ZNF804B: variants seen among roughly 807,000 people sequenced by gnomAD.
ZNF804B encodes the protein zinc finger 804B.
In ZNF804B, 80 loss-of-function variants were observed where a neutral mutation model predicts 101.4. The observed-to-expected ratio is 0.79, with a 90% CI of 0.66 to 0.95. ZNF804B has a LOEUF of 0.95. Among genes scored for constraint, ZNF804B ranks in the 40% least tolerant of loss-of-function variants. The pLI, the probability that ZNF804B is intolerant of heterozygous loss-of-function variation, is 0.00. For synonymous variants in ZNF804B, 622 were observed against 558.8 expected (o/e 1.11, Z -1.59); for missense variants, 1,673 against 1,561.9 (o/e 1.07, Z -1.20).
intron 2 of ZNF804B, among the ~76,000 whole-genome samples, chr7:89,241,898 T>C (rs1789378315): frequency 6.6e-6 from 1 of 151,650 alleles, no homozygotes; most frequent in Non-Finnish European, 1.5e-5. Flanking sequence ...TTTTTCTTTT[T>C]TTTTTTTTTC....
At chr7:89,228,387 GC>G (rs1789129904) in intron 2 of ZNF804B, among the ~76,000 whole-genome samples, 1 of 152,114 alleles carries the variant, frequency 6.6e-6, no homozygotes, top group Non-Finnish European at 1.5e-5. Context: ...GATTGGTAGA[GC>G]CGAGTGGTCT....
At chr7:89,091,044 G>A (rs192731255) in intron 1 of ZNF804B, among the ~76,000 whole-genome samples, 62 of 152,116 alleles carry the variant, frequency 4.1e-4, no homozygotes, top group African/African-American at 1.3e-3. Flanking sequence ...ATAATGCTTC[G>A]TCTAAATTTA....
At chr7:89,001,680 T>C (rs1788290971) in intron 1 of ZNF804B, among the ~76,000 whole-genome samples, 1 of 151,966 alleles carries the variant, frequency 6.6e-6, no homozygotes, top group Admixed American at 6.6e-5. Context: ...GACTCACCAT[T>C]ATAAAACTGT....
At chr7:88,857,372 T>G (rs1031749290) in intron 1 of ZNF804B, among the ~76,000 whole-genome samples, 2 of 151,826 alleles carry the variant, frequency 1.3e-5, no homozygotes, top group East Asian at 3.9e-4. Flanking sequence ...CTAGGAAGAC[T>G]AATAAAGAAG....
At chr7:89,208,680 A>T (rs1278736008) in intron 1 of ZNF804B, among the ~76,000 whole-genome samples, 1 of 152,086 alleles carries the variant, frequency 6.6e-6, no homozygotes, top group Non-Finnish European at 1.5e-5. Flanking sequence ...AACGTTGATA[A>T]CTGTGGTCCT....
At chr7:88,971,967 C>A (rs11981551) in intron 1 of ZNF804B, among the ~76,000 whole-genome samples, 51,729 of 151,030 alleles carry the variant, frequency 0.34, 10,249 homozygotes, top group African/African-American at 0.55. Context: ...AGTTGTAGAT[C>A]TAGAGCTGCA....
chr7:88,972,692 A>G (rs1284885182), intron 1 of ZNF804B, among the ~76,000 whole-genome samples: 1 of 151,378 alleles, frequency 6.6e-6, no homozygotes, highest in African/African-American at 2.4e-5. Flanking sequence ...TGTCCTTTAA[A>G]AAAATATAGT....
At chr7:88,989,773 T>G (rs1360309662) in intron 1 of ZNF804B, among the ~76,000 whole-genome samples, 1 of 152,106 alleles carries the variant, frequency 6.6e-6, no homozygotes, top group Non-Finnish European at 1.5e-5. Context: ...TGACATGGCA[T>G]CATGTATATT....
chr7:89,274,721 T>C (rs1789952144), intron 2 of ZNF804B, among the ~76,000 whole-genome samples: 1 of 151,828 alleles, frequency 6.6e-6, no homozygotes. Context: ...TGTGTATCCA[T>C]CTAGAGTCTT....
chr7:88,782,955 T>G (rs1013492136), intron 1 of ZNF804B, among the ~76,000 whole-genome samples: 1 of 152,172 alleles, frequency 6.6e-6, no homozygotes, highest in East Asian at 1.9e-4. Context: ...AAACATTTCT[T>G]CAGTTACAGA....
chr7:88,874,595 T>C (rs1001440306), intron 1 of ZNF804B, among the ~76,000 whole-genome samples: 53 of 152,114 alleles, frequency 3.5e-4, no homozygotes, highest in Non-Finnish European at 6.0e-4. Flanking sequence ...CAGTATGATA[T>C]TGGCTGTGGG....
In ZNF804B at chr7:88,851,171, A is replaced by G. The variant is rs568741693; in HGVS notation, c.108+91087A>G. Among the ~76,000 whole-genome samples, 29 of 152,266 alleles carry G rather than the reference A, an allele frequency of 1.9e-4. No individual in the cohort carries two copies. The South Asian group carries it at 4.1e-3, about 22-fold the overall frequency. ...GTTGTGAAACAACTTCAGGTAGCCT[A>G]ATATATGTATAAATGAAGTGCCTGA... On this transcript the variant is annotated intron_variant, in intron 1 of 3. Coordinates refer to ENST00000333190, the MANE Select transcript of ZNF804B (RefSeq NM_181646.5).
intron 1 of ZNF804B, among the ~76,000 whole-genome samples, chr7:89,122,128 T>A (rs562205589): frequency 1.6e-4 from 24 of 152,084 alleles, no homozygotes; most frequent in Non-Finnish European, 2.8e-4. Flanking sequence ...CCACAGCAGT[T>A]TTTTAGAACT....
chr7:89,204,728 T>A lies in ZNF804B; in HGVS notation c.109-13427T>A, dbSNP rs117964579. ...TATTCTTATACCATACATTGTTTTC[T>A]GAGTTCAATGAAGGTAGGACTATTA... On this transcript the variant is annotated intron_variant, in intron 1 of 3. Coordinates refer to ENST00000333190, the MANE Select transcript of ZNF804B (RefSeq NM_181646.5). Among the ~76,000 whole-genome samples, 1,422 of 152,296 alleles carry A rather than the reference T, an allele frequency of 9.3e-3. 21 individuals are homozygous for A. The highest frequency in any genetic ancestry group is 0.014 in the Non-Finnish European group (922 of 68,028).
At chr7:88,875,200 G>T (rs1480016259) in intron 1 of ZNF804B, among the ~76,000 whole-genome samples, 1 of 144,360 alleles carries the variant, frequency 6.9e-6, no homozygotes, top group East Asian at 2.0e-4. Flanking sequence ...GCCCACAAGA[G>T]AAAGCAGGAA....
intron 1 of ZNF804B, among the ~76,000 whole-genome samples, chr7:88,910,464 AC>A (rs910163422): frequency 6.6e-6 from 1 of 151,882 alleles, no homozygotes; most frequent in African/African-American, 2.4e-5. Flanking sequence ...AATTCTATGA[AC>A]CGTTGTATTT....
chr7:89,050,577 T>C (rs1789185742), intron 1 of ZNF804B, among the ~76,000 whole-genome samples: 1 of 152,186 alleles, frequency 6.6e-6, no homozygotes, highest in Non-Finnish European at 1.5e-5. Context: ...TGTGATACCT[T>C]ATTCTTCCTT....
chr7:88,969,160 T>C (rs1793497446), intron 1 of ZNF804B, among the ~76,000 whole-genome samples: 1 of 151,598 alleles, frequency 6.6e-6, no homozygotes, highest in Non-Finnish European at 1.5e-5. Flanking sequence ...ACATTTAGTA[T>C]ATAGTGATAT....
chr7:89,257,889 C>G (rs549682558), intron 2 of ZNF804B, among the ~76,000 whole-genome samples: 1 of 151,732 alleles, frequency 6.6e-6, no homozygotes. Context: ...TGTAATCACT[C>G]TTTTTTTTCC....
Sources: allele counts gnomAD v4.1 joint callset (sites outside exome capture counted in the v4.1 genomes callset), GRCh38; gene constraint gnomAD v4.1.1; transcripts MANE v1.5; gene names NCBI Gene and HGNC (gene_info 2026-07-23, HGNC 2026-07-21).